The following XRCC4 variants were observed in gnomAD, a reference collection of about 807,000 sequenced individuals.
XRCC4 encodes X-ray repair cross complementing 4, also known as DNA repair protein XRCC4.
In XRCC4, 28 loss-of-function variants were observed where a neutral mutation model predicts 39.1. The ratio of observed to expected loss-of-function variants is 0.72; its 90% CI spans 0.53 to 0.98. XRCC4 has a LOEUF of 0.98. Ranked by LOEUF, XRCC4 falls within the 50% of genes least tolerant of loss-of-function variation. XRCC4 has a pLI of 0.00. For missense variants in XRCC4, 350 were observed against 376.4 expected (o/e 0.93, Z 0.58); for synonymous variants, 123 against 126.4 (o/e 0.97, Z 0.18).
chr5:83,318,237 C>A (rs1256980535), intron 7 of XRCC4, among the ~76,000 whole-genome samples: 2 of 132,186 alleles, frequency 1.5e-5, no homozygotes, highest in Admixed American at 1.5e-4. Context: ...GACAAACCCA[C>A]AGCCAATATC....
chr5:83,356,662 G>A (rs926821932), downstream of XRCC4: 5 of 446,944 alleles, frequency 1.1e-5, no homozygotes, highest in African/African-American at 2.0e-5. Context: ...TACAGATCTG[G>A]TGTAAACATG....
intron 7 of XRCC4, among the ~76,000 whole-genome samples, chr5:83,336,547 A>T (rs1035810278): frequency 2.0e-5 from 3 of 152,160 alleles, no homozygotes; most frequent in Non-Finnish European, 4.4e-5. Flanking sequence ...GCTTTCACTT[A>T]CTTAAATTAT....
intron 7 of XRCC4, among the ~76,000 whole-genome samples, chr5:83,342,797 AT>A (rs3836873): frequency 5.9e-5 from 9 of 151,988 alleles, no homozygotes; most frequent in South Asian, 2.1e-4. Flanking sequence ...CTAAGATCAA[AT>A]TTTTTTTAAT....
intron 5 of XRCC4, among the ~76,000 whole-genome samples, chr5:83,204,133 T>C (rs992232248): frequency 2.0e-5 from 3 of 152,162 alleles, no homozygotes; most frequent in African/African-American, 7.2e-5. Flanking sequence ...AGAGTGTGAT[T>C]ATCAGTTTTA....
intron 2 of XRCC4, among the ~76,000 whole-genome samples, chr5:83,110,338 G>A (rs1164632831): frequency 6.6e-6 from 1 of 151,894 alleles, no homozygotes; most frequent in Non-Finnish European, 1.5e-5. Context: ...GATAAGAACA[G>A]GATATAATGA....
intron 3 of XRCC4, among the ~76,000 whole-genome samples, chr5:83,153,311 C>T (rs1035818213): frequency 1.3e-5 from 2 of 151,802 alleles, no homozygotes; most frequent in African/African-American, 4.9e-5. Context: ...CGAGTTCAAG[C>T]AATTCTCATG....
At chr5:83,122,025 A>C (rs1191543284) in intron 3 of XRCC4, among the ~76,000 whole-genome samples, 1 of 152,166 alleles carries the variant, frequency 6.6e-6, no homozygotes, top group Non-Finnish European at 1.5e-5. Context: ...CTGCCCCATC[A>C]ATCTATTTGT....
At chr5:83,332,092 G>A (rs1176582989) in intron 7 of XRCC4, among the ~76,000 whole-genome samples, 2 of 152,242 alleles carry the variant, frequency 1.3e-5, no homozygotes, top group African/African-American at 4.8e-5. Flanking sequence ...TTATTCTGTG[G>A]TGACTGACAT....
At chr5:83,209,957 G>A (rs966139559) in intron 6 of XRCC4, among the ~76,000 whole-genome samples, 1 of 152,072 alleles carries the variant, frequency 6.6e-6, no homozygotes, top group Non-Finnish European at 1.5e-5. Flanking sequence ...CAACAGGAAG[G>A]TCCCTGTATA....
intron 7 of XRCC4, among the ~76,000 whole-genome samples, chr5:83,302,554 G>C (rs1755327886): frequency 6.6e-6 from 1 of 152,228 alleles, no homozygotes; most frequent in East Asian, 1.9e-4. Context: ...AGATGAAACG[G>C]GTACCTCAGT....
intron 7 of XRCC4, among the ~76,000 whole-genome samples, chr5:83,348,554 G>A (rs572272198): frequency 1.7e-3 from 252 of 152,370 alleles, no homozygotes; most frequent in African/African-American, 5.8e-3. Context: ...AGACTGCACA[G>A]TGTAGCAGGG....
intron 7 of XRCC4, among the ~76,000 whole-genome samples, chr5:83,339,833 CTGTTT>C (rs1388305627): frequency 1.3e-5 from 2 of 152,110 alleles, no homozygotes; most frequent in Non-Finnish European, 2.9e-5. Context: ...ACACAGCATT[CTGTTT>C]TGTTATCCCC....
intron 3 of XRCC4, among the ~76,000 whole-genome samples, chr5:83,158,531 A>G (rs1580307601): frequency 1.3e-5 from 2 of 152,274 alleles, no homozygotes; most frequent in South Asian, 4.1e-4. Context: ...CAGTTATTGA[A>G]TGCCAAATAC....
chr5:83,230,696 G>A (rs1022283188), intron 6 of XRCC4, among the ~76,000 whole-genome samples: 6 of 151,868 alleles, frequency 4.0e-5, no homozygotes, highest in African/African-American at 1.5e-4. Context: ...TGGCACCTAG[G>A]TCCCTTGGCA....
chr5:83,366,058 G>T, the XRCC4 span, among the ~76,000 whole-genome samples: 2 of 152,268 alleles, frequency 1.3e-5, no homozygotes, highest in Non-Finnish European at 2.9e-5. Context: ...ATAGAGAGAA[G>T]TATGCCATCT....
intron 7 of XRCC4, among the ~76,000 whole-genome samples, chr5:83,333,958 C>CG (rs1554075474): frequency 6.6e-6 from 1 of 151,842 alleles, no homozygotes; most frequent in Non-Finnish European, 1.5e-5. Context: ...TTAGTAGAGA[C>CG]GGGGTTTCAC....
At chr5:83,121,807 G>A (rs1297448442) in intron 3 of XRCC4, among the ~76,000 whole-genome samples, 1 of 151,996 alleles carries the variant, frequency 6.6e-6, no homozygotes, top group Admixed American at 6.6e-5. Context: ...TCATGCATGA[G>A]CGCTATAGTT....
chr5:83,173,252 T>C (rs1471736078), intron 3 of XRCC4, among the ~76,000 whole-genome samples: 5 of 152,190 alleles, frequency 3.3e-5, no homozygotes, highest in African/African-American at 9.6e-5. Flanking sequence ...GGGAGTCTGA[T>C]TATGTTCCTA....
chr5:83,173,821 A>G (rs888131075), intron 3 of XRCC4, among the ~76,000 whole-genome samples: 3 of 152,200 alleles, frequency 2.0e-5, no homozygotes, highest in Non-Finnish European at 2.9e-5. Context: ...CTAAGGGGAC[A>G]TGGAATGTGA....
Sources: allele counts gnomAD v4.1 joint callset (sites outside exome capture counted in the v4.1 genomes callset), GRCh38; gene constraint gnomAD v4.1.1; transcripts MANE v1.5; gene names NCBI Gene and HGNC (gene_info 2026-07-23, HGNC 2026-07-21).